Variants in TENM3 observed in about 807,000 individuals in gnomAD.
TENM3 encodes the protein teneurin-3.
In TENM3, 63 loss-of-function variants were observed where a neutral mutation model predicts 255.1. That is an observed-to-expected ratio of 0.25 (90% confidence interval 0.20 to 0.30). TENM3 has a LOEUF of 0.30. Among genes scored for constraint, TENM3 ranks in the 10% least tolerant of loss-of-function variants. The pLI, the probability that TENM3 is intolerant of heterozygous loss-of-function variation, is 1.00. For missense variants in TENM3, 2,929 were observed against 3,461.1 expected (o/e 0.85, Z 3.86); for synonymous variants, 1,306 against 1,322.3 (o/e 0.99, Z 0.27).
At position 182,799,805 on chromosome 4, in the gene TENM3, C is replaced by T. The variant is rs763203300; in HGVS notation, c.7554C>T (p.Asn2518=). 1 of 1,607,414 alleles carries T rather than the reference C, an allele frequency of 6.2e-7. No individual in the cohort carries two copies. The highest frequency in any genetic ancestry group is 2.2e-5 in the East Asian group (1 of 44,566). Reference sequence around the variant, plus strand: ...AGACCAACGTGCTCAACATCGCCAACGAGGACTGCATCAAGGTGGCGGCCG... The same window carrying T: ...AGACCAACGTGCTCAACATCGCCAATGAGGACTGCATCAAGGTGGCGGCCG... ...RVQTNVLNIA[N]EDCIKVAAVL... The change falls in exon 28 of 28, where the codon AAC becomes AAT. Residue 2518 remains asparagine (N), a synonymous_variant. Transcript: ENST00000511685. The surrounding 1 kb of genome is among the most constrained non-coding windows in gnomAD (Gnocchi z 4.2).
intron 4 of TENM3, among the ~76,000 whole-genome samples, chr4:182,611,376 A>T (rs1439382275): frequency 6.6e-5 from 10 of 151,426 alleles, no homozygotes; most frequent in Admixed American, 6.6e-4. Context: ...TCATCTAATG[A>T]TGTATTTAAT....
chr4:182,458,433 C>T (rs1774040262), intron 3 of TENM3, among the ~76,000 whole-genome samples: 3 of 152,052 alleles, frequency 2.0e-5, no homozygotes, highest in Non-Finnish European at 4.4e-5. Context: ...CAACTAAAAC[C>T]TTCCGGTTAG....
At chr4:182,428,673 C>T (rs529721415) in intron 3 of TENM3, among the ~76,000 whole-genome samples, 65 of 151,838 alleles carry the variant, frequency 4.3e-4, no homozygotes, top group African/African-American at 1.3e-3. Flanking sequence ...TGTGCAGCCC[C>T]TATATCTTAA....
the TENM3 span, among the ~76,000 whole-genome samples, chr4:181,748,689 C>T: frequency 1.1e-3 from 174 of 152,046 alleles, 1 homozygote; most frequent in African/African-American, 3.9e-3. Context: ...AAAATATGTT[C>T]GATTGGATAA....
chr4:182,508,633 T>C (rs2151701943), intron 3 of TENM3, among the ~76,000 whole-genome samples: 1 of 152,342 alleles, frequency 6.6e-6, no homozygotes, highest in African/African-American at 2.4e-5. Flanking sequence ...TATTCTGATA[T>C]AATGATATGC....
chr4:182,586,117 G>T (rs1005967304), intron 3 of TENM3, among the ~76,000 whole-genome samples: 1 of 152,050 alleles, frequency 6.6e-6, no homozygotes, highest in African/African-American at 2.4e-5. Context: ...ATTAGCTGAG[G>T]ATGGTGCTGC....
chr4:181,868,242 C>G, the TENM3 span, among the ~76,000 whole-genome samples: 1 of 152,202 alleles, frequency 6.6e-6, no homozygotes, highest in Middle Eastern at 3.4e-3. Context: ...CCCCCAGCCC[C>G]TTCTAGTCAC....
the TENM3 span, among the ~76,000 whole-genome samples, chr4:181,721,272 T>C: frequency 6.6e-6 from 1 of 151,788 alleles, no homozygotes; most frequent in African/African-American, 2.4e-5. Context: ...TGTCATGGCC[T>C]GAAGTTCAAC....
the TENM3 span, among the ~76,000 whole-genome samples, chr4:181,896,227 C>T: frequency 1.3e-5 from 2 of 152,056 alleles, no homozygotes; most frequent in East Asian, 3.9e-4. Context: ...GTCTTATTCC[C>T]CCAATCTAAA....
At chr4:182,786,652 G>C (rs1765686053) in intron 24 of TENM3, among the ~76,000 whole-genome samples, 1 of 151,952 alleles carries the variant, frequency 6.6e-6, no homozygotes, top group Admixed American at 6.6e-5. Flanking sequence ...CTGTGGTCCA[G>C]ATTTCCCATA....
chr4:182,160,091 T>G (rs149112092), intron 1 of TENM3, among the ~76,000 whole-genome samples: 4 of 149,660 alleles, frequency 2.7e-5, no homozygotes, highest in Non-Finnish European at 4.5e-5. Flanking sequence ...CAAGCTCCGC[T>G]TCCCGGGTTC....
intron 5 of TENM3, among the ~76,000 whole-genome samples, chr4:182,637,259 A>G (rs1378714665): frequency 6.6e-6 from 1 of 152,258 alleles, no homozygotes; most frequent in Non-Finnish European, 1.5e-5. Context: ...CAAAGGTTTC[A>G]TCCTAGAATA....
chr4:182,673,082 G>A lies in TENM3; in HGVS notation c.1189G>A (p.Glu397Lys), dbSNP rs1347531979. The change falls in exon 7 of 28, where the codon GAG (glutamate) becomes AAG (lysine). Residue 397 changes from glutamate (E) to lysine (K), a missense_variant. Around this residue, in one of 6 missense-constraint regions of TENM3, gnomAD observed 1,608 missense variants for 1,884.4 expected, o/e 0.85. Transcript: ENST00000511685. ...TGATATTGGCCGAAGAGCAATTCAA[G>A]AGATTCCTCCCGGGATCTTCTGGAG... ...ELDIGRRAIQEIPPGIFWRSQ... is the reference protein window; with the variant it reads ...ELDIGRRAIQKIPPGIFWRSQ... 6.2e-7 allele frequency: 1 copy of A among 1,612,568 alleles called. No individual in the cohort carries two copies. Among genetic ancestry groups the A allele is most frequent in the South Asian group, 1.1e-5 (1 of 90,716 alleles).
chr4:182,750,335 G>T (rs1762284735), intron 19 of TENM3, among the ~76,000 whole-genome samples: 1 of 152,162 alleles, frequency 6.6e-6, no homozygotes, highest in South Asian at 2.1e-4. Context: ...GACATACAAA[G>T]CTCAAGCCTT....
At chr4:181,570,551 A>C in the TENM3 span, among the ~76,000 whole-genome samples, 1 of 150,900 alleles carries the variant, frequency 6.6e-6, no homozygotes, top group African/African-American at 2.5e-5. Context: ...GAAAGAAAAG[A>C]GAGAGAGAAA....
chr4:182,210,640 CATT>C (rs1754962233), intron 1 of TENM3, among the ~76,000 whole-genome samples: 1 of 112,096 alleles, frequency 8.9e-6, no homozygotes, highest in Non-Finnish European at 1.8e-5. Flanking sequence ...TTTTTTGTAT[CATT>C]GTCATATTAA....
At position 182,799,855 on chromosome 4, in the gene TENM3, A is replaced by G; in HGVS notation, c.7604A>G (p.Glu2535Gly). The G allele has an allele frequency of 6.2e-7, 1 of 1,611,438 alleles. No individual in the cohort carries two copies. The highest frequency in any genetic ancestry group is 8.5e-7 in the Non-Finnish European group (1 of 1,179,044). ...AAVLNNAFYL[E>G]NLHFTIEGKD... ...GTGCTCAACAACGCCTTCTACCTGG[A>G]GAACCTGCACTTCACCATCGAGGGC... Residue 2535 changes from glutamate to glycine, a missense_variant, in exon 28 of 28, where the codon GAG becomes GGG. Coordinates refer to ENST00000511685, the MANE Select transcript of TENM3 (RefSeq NM_001080477.4). The surrounding 1 kb of genome is among the most constrained non-coding windows in gnomAD (Gnocchi z 4.2).
At chr4:182,031,041 G>A in the TENM3 span, among the ~76,000 whole-genome samples, 2 of 152,160 alleles carry the variant, frequency 1.3e-5, no homozygotes, top group Admixed American at 1.3e-4. Flanking sequence ...TTGCTGTGCA[G>A]AAGCTCTTTA....
chr4:181,799,959 C>T, the TENM3 span, among the ~76,000 whole-genome samples: 1 of 152,152 alleles, frequency 6.6e-6, no homozygotes, highest in East Asian at 1.9e-4. Context: ...TGGAGACAGG[C>T]GAACTGGAAA....
Sources: allele counts gnomAD v4.1 joint callset (sites outside exome capture counted in the v4.1 genomes callset), GRCh38; gene constraint gnomAD v4.1.1; regional missense constraint gnomAD v4.1.1; non-coding constraint Gnocchi (gnomAD v3.1); transcripts MANE v1.5; gene names NCBI Gene and HGNC (gene_info 2026-07-23, HGNC 2026-07-21).